GRM8: variants seen among roughly 807,000 people sequenced by gnomAD.
GRM8 encodes the protein glutamate metabotropic receptor 8.
GRM8 carries 47 observed loss-of-function variants against 87.2 expected under a neutral mutation model. The ratio of observed to expected loss-of-function variants is 0.54; its 90% CI spans 0.43 to 0.69. The LOEUF (loss-of-function observed/expected upper bound fraction) is 0.69, where lower values mean the gene tolerates loss of function less well. Ranked by LOEUF, GRM8 falls within the 30% of genes least tolerant of loss-of-function variation. The pLI is 0.00. For synonymous variants in GRM8, 396 were observed against 404.5 expected (o/e 0.98, Z 0.25); for missense variants, 1,019 against 1,139.2 (o/e 0.89, Z 1.52).
chr7:126,747,463 A>G (rs1363903318), intron 7 of GRM8, among the ~76,000 whole-genome samples: 1 of 152,044 alleles, frequency 6.6e-6, no homozygotes, highest in East Asian at 1.9e-4. Flanking sequence ...AAGATTTTAT[A>G]ATCAAGACCA....
At chr7:126,971,431 G>A (rs28947789) in intron 3 of GRM8, among the ~76,000 whole-genome samples, 2,564 of 152,162 alleles carry the variant, frequency 0.017, 66 homozygotes, top group African/African-American at 0.058. Context: ...TTTTATGTTC[G>A]TCAGTGTTTC....
chr7:126,914,755 C>T (rs1272792078), intron 3 of GRM8, among the ~76,000 whole-genome samples: 2 of 152,104 alleles, frequency 1.3e-5, no homozygotes, highest in Non-Finnish European at 2.9e-5. Context: ...ACAATAGACA[C>T]TGGAAACTCC....
At chr7:127,200,181 G>A (rs1795510132) in intron 2 of GRM8, among the ~76,000 whole-genome samples, 2 of 152,012 alleles carry the variant, frequency 1.3e-5, no homozygotes, top group South Asian at 2.1e-4. Context: ...ACCTTTTCTG[G>A]TCTATGTAAG....
At chr7:127,113,275 T>A (rs568200953) in intron 2 of GRM8, among the ~76,000 whole-genome samples, 2 of 152,082 alleles carry the variant, frequency 1.3e-5, no homozygotes, top group East Asian at 1.9e-4. Flanking sequence ...TTGCTAAATA[T>A]CCCAAGGAAG....
chr7:127,237,384 AC>A (rs1355381967), intron 2 of GRM8, among the ~76,000 whole-genome samples: 1 of 152,228 alleles, frequency 6.6e-6, no homozygotes, highest in African/African-American at 2.4e-5. Flanking sequence ...TGGCAGATTT[AC>A]CTTTTCAAAG....
At chr7:126,613,032 C>T (rs763182730) in intron 7 of GRM8, among the ~76,000 whole-genome samples, 26 of 152,110 alleles carry the variant, frequency 1.7e-4, no homozygotes, top group African/African-American at 2.4e-4. Context: ...TTTCCTAATG[C>T]GATTTCTAGT....
intron 2 of GRM8, among the ~76,000 whole-genome samples, chr7:127,147,511 T>C (rs1394159788): frequency 1.3e-5 from 2 of 152,038 alleles, no homozygotes; most frequent in African/African-American, 4.8e-5. Context: ...TTTGGGCAAA[T>C]TCCCTCCTAT....
intron 3 of GRM8, among the ~76,000 whole-genome samples, chr7:126,943,707 G>A (rs1807225146): frequency 6.6e-6 from 1 of 152,152 alleles, no homozygotes; most frequent in Admixed American, 6.5e-5. Context: ...GTGCAAGGTG[G>A]TGAGGCAGCC....
At chr7:126,725,984 T>G (rs1812927090) in intron 7 of GRM8, among the ~76,000 whole-genome samples, 1 of 152,104 alleles carries the variant, frequency 6.6e-6, no homozygotes, top group Non-Finnish European at 1.5e-5. Context: ...CCAGGCCCCA[T>G]CTCTAACACT....
chr7:126,989,198 G>A (rs1812395179), intron 3 of GRM8, among the ~76,000 whole-genome samples: 1 of 151,992 alleles, frequency 6.6e-6, no homozygotes, highest in Non-Finnish European at 1.5e-5. Flanking sequence ...TCAAACCTAA[G>A]TACATTAATT....
chr7:126,505,870 G>A (rs1007383188), intron 9 of GRM8, among the ~76,000 whole-genome samples: 2 of 151,692 alleles, frequency 1.3e-5, no homozygotes, highest in African/African-American at 4.8e-5. Flanking sequence ...TAAGATCTAC[G>A]CTCTTAGAAA....
intron 6 of GRM8, among the ~76,000 whole-genome samples, chr7:126,788,420 A>AACAAAAAAAAAAACAAAAAAAAAAAAAAC (rs1554492201): frequency 1.2e-5 from 1 of 81,138 alleles, no homozygotes; most frequent in African/African-American, 4.6e-5. Context: ...AAAAAAAAAA[A>AACAAAAAAAAAAACAAAAAAAAAAAAAAC]AAACCCTTTC....
At chr7:126,634,559 T>G (rs537678662) in intron 7 of GRM8, among the ~76,000 whole-genome samples, 1 of 152,158 alleles carries the variant, frequency 6.6e-6, no homozygotes, top group Non-Finnish European at 1.5e-5. Flanking sequence ...TATTTTCTAC[T>G]GGCTGCAAGC....
Position 126,439,096 on chromosome 7 carries a change from T to A in GRM8, c.*23A>T. The A allele has an allele frequency of 6.9e-7, 1 of 1,459,186 alleles. No homozygotes were observed. The highest frequency in any genetic ancestry group is 9.6e-7 in the Non-Finnish European group (1 of 1,039,016). The allele number at this position is 1,459,186 out of a possible 1,614,324, so 90.4% of individuals were successfully genotyped here. Reference sequence around the variant, plus strand: ...ATTTAAGATCATATACCACATCTCTTCAGATTGTGCCATTTCCCTGTTTCA... The same window carrying A: ...ATTTAAGATCATATACCACATCTCTACAGATTGTGCCATTTCCCTGTTTCA... On this transcript the variant is annotated 3_prime_UTR_variant, in exon 11 of 11. Transcript: ENST00000339582.
intron 2 of GRM8, among the ~76,000 whole-genome samples, chr7:127,131,053 T>C (rs1407436673): frequency 6.6e-6 from 1 of 152,216 alleles, no homozygotes; most frequent in African/African-American, 2.4e-5. Flanking sequence ...TTCTTAATTG[T>C]CTGAGCATGT....
chr7:126,536,581 T>C (rs560429931), intron 8 of GRM8, among the ~76,000 whole-genome samples: 3 of 152,254 alleles, frequency 2.0e-5, no homozygotes, highest in East Asian at 3.9e-4. Context: ...TTATATTTTA[T>C]TTACTTATAA....
rs1263832912 is a variant in GRM8 at position 126,440,458 on chromosome 7, GACTT to G, written c.2678-1294_2678-1291del. Among the ~76,000 whole-genome samples the G allele has an allele frequency of 6.0e-5, 9 of 150,440 alleles. No individual in the cohort carries two copies. The East Asian group carries it at 1.8e-3, about 30-fold the overall frequency. ...AATTTACAGTACTGCCATGTCCTAG[GACTT>G]CACATTCAATCACCACTCATTCACT... On this transcript the variant is annotated intron_variant, in intron 10 of 10. Transcript: ENST00000339582.
At chr7:127,075,614 A>C (rs1183594150) in intron 3 of GRM8, among the ~76,000 whole-genome samples, 3 of 152,122 alleles carry the variant, frequency 2.0e-5, no homozygotes, top group African/African-American at 7.2e-5. Context: ...TTGGTTTTGA[A>C]TGGGATAATG....
At position 127,125,765 on chromosome 7, in the gene GRM8, AACACACAC is replaced by A. The variant is rs375563287; in HGVS notation, c.511-19061_511-19054del. 5.7e-5 allele frequency among the ~76,000 whole-genome samples: 8 copies of A among 141,188 alleles called. No homozygotes were observed. The East Asian group carries it at 6.1e-4, about 11-fold the overall frequency. The allele number at this position is 141,188 out of a possible 152,430, so 92.6% of individuals were successfully genotyped here. ...AATTTATAAGGAACTCAAACAACTA[AACACACAC>A]ACACACACACACACACACACACACA... On this transcript the variant is annotated intron_variant, in intron 2 of 10. Transcript: ENST00000339582.
Sources: allele counts gnomAD v4.1 joint callset (sites outside exome capture counted in the v4.1 genomes callset), GRCh38; gene constraint gnomAD v4.1.1; transcripts MANE v1.5; gene names NCBI Gene and HGNC (gene_info 2026-07-23, HGNC 2026-07-21).